The following ATXN2 variants were observed in gnomAD, a reference collection of about 807,000 sequenced individuals.
The protein encoded by ATXN2 is ataxin-2.
In ATXN2, 37 loss-of-function variants were observed where a neutral mutation model predicts 138.6. That is an observed-to-expected ratio of 0.27 (90% CI 0.21 to 0.35). The LOEUF (loss-of-function observed/expected upper bound fraction) is 0.35. Ranked by LOEUF, ATXN2 falls within the 10% of genes least tolerant of loss-of-function variation. The pLI, the probability that ATXN2 is intolerant of heterozygous loss-of-function variation, is 1.00. For synonymous variants in ATXN2, 549 were observed against 543.7 expected, an observed-to-expected ratio of 1.01 and a Z score of -0.13; for missense variants, 1,216 against 1,480.3, an observed-to-expected ratio of 0.82 and a Z score of 2.93.
chr12:111,464,179 T>C (rs1406821995), intron 21 of ATXN2, among the ~76,000 whole-genome samples: 1 of 152,116 alleles, frequency 6.6e-6, no homozygotes, highest in Non-Finnish European at 1.5e-5. Context: ...AAAATCCTGG[T>C]AGGCATAAAT....
At chr12:111,490,794 T>C (rs902672773) in intron 14 of ATXN2, among the ~76,000 whole-genome samples, 1 of 152,072 alleles carries the variant, frequency 6.6e-6, no homozygotes, top group Non-Finnish European at 1.5e-5. Flanking sequence ...GGAGAAAGAA[T>C]CTGTGTGCTC....
intron 5 of ATXN2, among the ~76,000 whole-genome samples, chr12:111,540,964 T>C (rs1881467657): frequency 6.6e-6 from 1 of 150,390 alleles, no homozygotes; most frequent in Non-Finnish European, 1.5e-5. Flanking sequence ...CCCAAAGTGC[T>C]GGGATTACAA....
intron 18 of ATXN2, among the ~76,000 whole-genome samples, chr12:111,483,271 TATTA>T (rs1172191157): frequency 2.0e-5 from 3 of 151,388 alleles, no homozygotes; most frequent in Non-Finnish European, 4.4e-5. Flanking sequence ...GAGGAAATCT[TATTA>T]ATTCAGGAAA....
At chr12:111,471,643 T>C (rs1296460908) in intron 18 of ATXN2, 1 of 152,102 alleles carries the variant, frequency 6.6e-6, no homozygotes, top group Non-Finnish European at 1.5e-5. Flanking sequence ...ATTCACTAAC[T>C]GTTGCTGAAA....
intron 14 of ATXN2, among the ~76,000 whole-genome samples, chr12:111,501,870 G>A (rs2135718065): frequency 6.6e-6 from 1 of 151,242 alleles, no homozygotes; most frequent in East Asian, 1.9e-4. Context: ...AAACACATCT[G>A]CATTTCTTAC....
intron 22 of ATXN2, among the ~76,000 whole-genome samples, chr12:111,456,841 G>A (rs1022903249): frequency 2.0e-5 from 3 of 151,954 alleles, no homozygotes; most frequent in African/African-American, 4.8e-5. Context: ...TCCGCCTCCC[G>A]GGTTCACGCC....
At chr12:111,581,225 T>C (rs1883986072) in intron 1 of ATXN2, among the ~76,000 whole-genome samples, 1 of 151,170 alleles carries the variant, frequency 6.6e-6, no homozygotes, top group Non-Finnish European at 1.5e-5. Context: ...GATACTCTGG[T>C]AAATAACCCT....
intron 1 of ATXN2, among the ~76,000 whole-genome samples, chr12:111,574,533 C>A (rs1415788979): frequency 1.3e-5 from 2 of 151,718 alleles, no homozygotes; most frequent in Non-Finnish European, 2.9e-5. Context: ...GTTTAAGTGA[C>A]CCTCCTGAGT....
intron 1 of ATXN2, among the ~76,000 whole-genome samples, chr12:111,587,378 G>A (rs1884400772): frequency 6.6e-6 from 1 of 152,010 alleles, no homozygotes; most frequent in Non-Finnish European, 1.5e-5. Flanking sequence ...TATTTGACCT[G>A]GCCAGCCACG....
At chr12:111,496,495 C>T (rs1023139447) in intron 14 of ATXN2, among the ~76,000 whole-genome samples, 4 of 151,998 alleles carry the variant, frequency 2.6e-5, no homozygotes, top group Non-Finnish European at 2.9e-5. Context: ...GAGATCGCGC[C>T]ACTACACTCC....
At chr12:111,496,997 C>T (rs1439663857) in intron 14 of ATXN2, among the ~76,000 whole-genome samples, 1 of 151,524 alleles carries the variant, frequency 6.6e-6, no homozygotes, top group Non-Finnish European at 1.5e-5. Flanking sequence ...AGAGAAAACC[C>T]AAATAATAAA....
rs1319100250 is a variant in ATXN2 at position 111,453,159 on chromosome 12, T to C, written c.3440-319A>G. The C allele has an allele frequency of 1.7e-6, 2 of 1,170,786 alleles. No homozygotes were observed. Among genetic ancestry groups the C allele is most frequent in the African/African-American group, 3.2e-5 (2 of 63,134 alleles). 72.5% of individuals were successfully genotyped at this position (1,170,786 alleles called of 1,614,324 possible). A position where few individuals can be genotyped will look rare whatever the true frequency, so the allele number is the denominator to read the frequency against. ...TTGCTTTCAGAATAACAGGTCAGAC[T>C]GTGAAGTATCGCCATGGCAGCCATC... On this transcript the variant is annotated intron_variant, in intron 24 of 24. Transcript: ENST00000673436. This position sits in a 1 kb window ranked among gnomAD's most constrained non-coding sequence, Gnocchi z 5.4.
intron 18 of ATXN2, among the ~76,000 whole-genome samples, chr12:111,477,226 G>A (rs1876887140): frequency 6.6e-6 from 1 of 151,608 alleles, no homozygotes; most frequent in Admixed American, 6.6e-5. Flanking sequence ...TGTAGTGGCG[G>A]GCACCTGTAA....
At chr12:111,497,652 TATGATATAAATATATATCAC>T (rs1188511982) in intron 14 of ATXN2, among the ~76,000 whole-genome samples, 1 of 151,336 alleles carries the variant, frequency 6.6e-6, no homozygotes, top group Non-Finnish European at 1.5e-5. Flanking sequence ...TTATACTGTG[TATGATATAAATATATATCAC>T]ATGATATAAA....
intron 13 of ATXN2, 50 bp from the exon 14 acceptor site, chr12:111,509,669 A>G: frequency 8.9e-7 from 1 of 1,119,948 alleles, no homozygotes; most frequent in South Asian, 1.4e-5. Context: ...AAACTTTAAC[A>G]TCACATTCTT....
In ATXN2 at chr12:111,595,734, A is replaced by C. The variant is rs113946531; in HGVS notation, c.251+3050T>G. Among the ~76,000 whole-genome samples the C allele has an allele frequency of 2.8e-4, 42 of 152,126 alleles. 3 individuals are homozygous for C. The highest frequency in any genetic ancestry group is 9.4e-4 in the African/African-American group (39 of 41,532). On this transcript the variant is annotated intron_variant, in intron 1 of 24. Coordinates refer to ENST00000673436, the MANE Select transcript of ATXN2 (RefSeq NM_001372574.1). ...ATACACAATCACCTCTACTACATAA[A>C]AATGAAAAGGTAAAAAGCAAAAATA...
intron 20 of ATXN2, among the ~76,000 whole-genome samples, chr12:111,465,414 T>TG: frequency 6.6e-6 from 1 of 152,112 alleles, no homozygotes; most frequent in Non-Finnish European, 1.5e-5. Flanking sequence ...GTCGGAAAAG[T>TG]TGTATTATTA....
At chr12:111,494,180 T>G (rs1283953298) in intron 14 of ATXN2, among the ~76,000 whole-genome samples, 1 of 152,166 alleles carries the variant, frequency 6.6e-6, no homozygotes, top group Admixed American at 6.5e-5. Flanking sequence ...TCCGCCCACC[T>G]CAGCCTCCCA....
chr12:111,488,969 G>A (rs1024247918), intron 14 of ATXN2, among the ~76,000 whole-genome samples, 189 bp from the exon 15 acceptor site: 5 of 152,210 alleles, frequency 3.3e-5, no homozygotes, highest in Non-Finnish European at 7.4e-5. Flanking sequence ...CACAACCACA[G>A]TCACCAAAGC....
Sources: allele counts gnomAD v4.1 joint callset (sites outside exome capture counted in the v4.1 genomes callset), GRCh38; gene constraint gnomAD v4.1.1; non-coding constraint Gnocchi (gnomAD v3.1); transcripts MANE v1.5; gene names NCBI Gene and HGNC (gene_info 2026-07-23, HGNC 2026-07-21).